ADGRF1: variants seen among roughly 807,000 people sequenced by gnomAD.
ADGRF1 encodes G protein-coupled receptor 110.
In ADGRF1, 85 loss-of-function variants were observed where a neutral mutation model predicts 87.2. The ratio of observed to expected loss-of-function variants is 0.97; its 90% CI spans 0.82 to 1.17. The LOEUF is 1.17. Among genes scored for constraint, ADGRF1 ranks in the 50% most tolerant of loss-of-function variants. The pLI is 0.00. For missense variants in ADGRF1, 1,169 were observed against 1,077.2 expected (o/e 1.09, Z -1.19); for synonymous variants, 430 against 408.8 (o/e 1.05, Z -0.63).
At chr6:47,026,144 A>G (rs943786561) in intron 3 of ADGRF1, 141 bp from the exon 4 acceptor site, 3 of 651,612 alleles carry the variant, frequency 4.6e-6, no homozygotes, top group Admixed American at 2.8e-5. Context: ...TCATCCAAAC[A>G]TGGACTAACA....
chr6:47,004,060 G>T (rs1184062816), intron 13 of ADGRF1, among the ~76,000 whole-genome samples: 1 of 152,012 alleles, frequency 6.6e-6, no homozygotes, highest in Non-Finnish European at 1.5e-5. Flanking sequence ...TTTGTTTTCA[G>T]AGTCTCTTCA....
At chr6:47,030,169 G>T (rs1166165295) in intron 1 of ADGRF1, among the ~76,000 whole-genome samples, 1 of 152,130 alleles carries the variant, frequency 6.6e-6, no homozygotes, top group Non-Finnish European at 1.5e-5. Context: ...AATCTAAAAA[G>T]CCGAGAAAAG....
At chr6:47,038,016 A>G (rs1780639144) in intron 1 of ADGRF1, among the ~76,000 whole-genome samples, 1 of 152,014 alleles carries the variant, frequency 6.6e-6, no homozygotes. Flanking sequence ...GCACGCCACC[A>G]TGCCCGGCTG....
chr6:47,030,897 G>A (rs1582186543), intron 1 of ADGRF1, among the ~76,000 whole-genome samples: 1 of 151,920 alleles, frequency 6.6e-6, no homozygotes, highest in African/African-American at 2.4e-5. Context: ...TGAGTAGCTG[G>A]CATTACAGGC....
chr6:47,027,683 T>C, intron 3 of ADGRF1, 21 bp downstream of exon 3: 2 of 1,577,074 alleles, frequency 1.3e-6, no homozygotes, highest in Non-Finnish European at 1.7e-6. Flanking sequence ...CACTGCACCA[T>C]GCTGTCTAAC....
chr6:47,011,362 T>C (rs1779701830), intron 10 of ADGRF1, among the ~76,000 whole-genome samples: 1 of 152,260 alleles, frequency 6.6e-6, no homozygotes, highest in Admixed American at 6.5e-5. Context: ...TGTAAAACAT[T>C]ATATCCTTTA....
In ADGRF1 at chr6:47,028,990, C is replaced by T. The variant is rs1235260523; in HGVS notation, c.69+3G>A. 1 of 1,613,102 alleles carries T rather than the reference C, an allele frequency of 6.2e-7. No individual in the cohort carries two copies. The highest frequency in any genetic ancestry group is 8.5e-7 in the Non-Finnish European group (1 of 1,179,090). On this transcript the variant is annotated splice_donor_region_variant and intron_variant, in intron 2 of 14. Coordinates refer to ENST00000371253, the MANE Select transcript of ADGRF1 (RefSeq NM_153840.4). ...AGAGATATGAGACATAGCACCAACT[C>T]ACCCCCAGGAAGCCACCGTGGCCGT... is the stretch of plus-strand genomic sequence containing the variant.
Position 47,008,976 on chromosome 6 carries a change from TG to T in ADGRF1, c.2458del (p.His820MetfsTer37), listed in dbSNP as rs770025385. On this transcript the variant is annotated frameshift_variant, in exon 11 of 15. Coordinates refer to ENST00000371253, the MANE Select transcript of ADGRF1 (RefSeq NM_153840.4). LOFTEE classifies it high-confidence loss of function. ...TIVDSQNLAW[H>X]VIFALLNAFQ... ...TGCATTGAGTAAAGCAAAAATAACA[TG>T]CCAAGCCAGATTCTGGCTGTCCACT... 6 of 1,607,610 alleles carry T rather than the reference TG, an allele frequency of 3.7e-6. No individual in the cohort carries two copies. The East Asian group carries it at 9.0e-5, about 24-fold the overall frequency.
chr6:47,033,888 T>C (rs1339711094), intron 1 of ADGRF1, among the ~76,000 whole-genome samples: 1 of 152,198 alleles, frequency 6.6e-6, no homozygotes, highest in Non-Finnish European at 1.5e-5. Context: ...GCCACTTCCA[T>C]CTTTGGAAAA....
At chr6:47,015,733 G>A (rs528728840) in intron 8 of ADGRF1, among the ~76,000 whole-genome samples, 2 of 150,624 alleles carry the variant, frequency 1.3e-5, no homozygotes, top group South Asian at 4.3e-4. Flanking sequence ...GATTACAGGT[G>A]TGTGCCACCA....
At chr6:47,030,148 C>T (rs1780367707) in intron 1 of ADGRF1, among the ~76,000 whole-genome samples, 1 of 152,176 alleles carries the variant, frequency 6.6e-6, no homozygotes. Flanking sequence ...TGCCACCCCA[C>T]ACTGCCCTCT....
At chr6:47,004,045 T>C (rs1779440047) in intron 13 of ADGRF1, among the ~76,000 whole-genome samples, 2 of 152,136 alleles carry the variant, frequency 1.3e-5, no homozygotes. Context: ...TCAGTCTCTC[T>C]CTTATTTGTT....
At chr6:47,005,907 A>C in intron 12 of ADGRF1, 31 bp from the exon 13 acceptor site, 2 of 1,468,348 alleles carry the variant, frequency 1.4e-6, no homozygotes, top group East Asian at 2.3e-5. Flanking sequence ...TATTGAGGAG[A>C]TACACATACA....
chr6:47,012,779 A>G, intron 9 of ADGRF1: 1 of 984,800 alleles, frequency 1.0e-6, no homozygotes, highest in African/African-American at 1.7e-5. Context: ...TGTTTTTTTT[A>G]TTTTTTTCGA....
chr6:47,031,903 G>A (rs1245341812), intron 1 of ADGRF1, among the ~76,000 whole-genome samples: 1 of 151,858 alleles, frequency 6.6e-6, no homozygotes, highest in African/African-American at 2.4e-5. Flanking sequence ...TAGAGACAAG[G>A]TTTCACTATA....
chr6:47,018,191 G>A (rs1408600269), intron 7 of ADGRF1: 3 of 317,184 alleles, frequency 9.5e-6, no homozygotes, highest in South Asian at 6.5e-5. Flanking sequence ...GGGAGTGCCC[G>A]AGCTCAAGTA....
At chr6:47,040,207 G>A (rs910926937) in intron 1 of ADGRF1, among the ~76,000 whole-genome samples, 1 of 152,188 alleles carries the variant, frequency 6.6e-6, no homozygotes, top group Non-Finnish European at 1.5e-5. Flanking sequence ...GCTCACGCCT[G>A]TAATCCCAGC....
intron 7 of ADGRF1, chr6:47,020,518 T>A (rs548003431): frequency 1.7e-4 from 243 of 1,448,366 alleles, no homozygotes; most frequent in East Asian, 9.3e-4. Flanking sequence ...AAAAAAAAAA[T>A]TTAAGGTCCT....
At chr6:47,038,794 T>C (rs1428448390) in intron 1 of ADGRF1, among the ~76,000 whole-genome samples, 1 of 152,244 alleles carries the variant, frequency 6.6e-6, no homozygotes, top group African/African-American at 2.4e-5. Context: ...AATTACTTGC[T>C]TAATTGATAC....
Sources: gnomAD v4.1 joint callset for allele counts (sites outside exome capture counted in the v4.1 genomes callset) on GRCh38, gnomAD v4.1.1 for gene constraint, MANE v1.5 for transcripts, NCBI Gene and HGNC (gene_info 2026-07-23, HGNC 2026-07-21) for gene names.